Variants in HS2ST1 observed in about 807,000 individuals in gnomAD.
The protein encoded by HS2ST1 is heparan sulfate 2-O-sulfotransferase 1.
Under a neutral mutation model 42.9 loss-of-function variants are expected in HS2ST1, and 18 were observed. The ratio of observed to expected loss-of-function variants is 0.42; its 90% CI spans 0.29 to 0.62. HS2ST1 has a LOEUF of 0.62. HS2ST1 is among the 20% of genes least tolerant of loss of function. The probability of loss-of-function intolerance (pLI) is 0.21; values close to 1 mark genes in which losing one functional copy is unlikely to be tolerated. For synonymous variants in HS2ST1, 146 were observed against 152.9 expected (o/e 0.95, Z 0.33); for missense variants, 334 against 433.8 (o/e 0.77, Z 2.04).
intron 1 of HS2ST1, among the ~76,000 whole-genome samples, chr1:87,022,173 G>T (rs1649970093): frequency 2.6e-5 from 4 of 151,968 alleles, no homozygotes; most frequent in Admixed American, 2.6e-4. Context: ...AAAAAATGTG[G>T]ATCCTTTCAT....
At chr1:87,034,600 A>G (rs1008217952) in intron 1 of HS2ST1, among the ~76,000 whole-genome samples, 3 of 152,228 alleles carry the variant, frequency 2.0e-5, no homozygotes, top group Non-Finnish European at 4.4e-5. Flanking sequence ...AATCAGAATC[A>G]CATTTTGAAA....
intron 3 of HS2ST1, among the ~76,000 whole-genome samples, chr1:87,086,254 A>G (rs1359707172): frequency 6.6e-6 from 1 of 152,144 alleles, no homozygotes; most frequent in Non-Finnish European, 1.5e-5. Flanking sequence ...TCGCATACTC[A>G]AGTCCCTCCG....
At chr1:87,046,368 ATC>A in intron 1 of HS2ST1, 2 of 761,240 alleles carry the variant, frequency 2.6e-6, no homozygotes, top group Non-Finnish European at 4.9e-6. Flanking sequence ...CTTAAGAAGT[ATC>A]TCCTGACAGA....
intron 1 of HS2ST1, among the ~76,000 whole-genome samples, chr1:87,051,519 GTC>G (rs1329335555): frequency 6.6e-6 from 1 of 152,116 alleles, no homozygotes; most frequent in African/African-American, 2.4e-5. Context: ...ATATTAAAAT[GTC>G]TATTGTATAG....
chr1:87,015,036 G>A (rs1649709583), intron 1 of HS2ST1, among the ~76,000 whole-genome samples: 1 of 114,582 alleles, frequency 8.7e-6, no homozygotes, highest in Non-Finnish European at 1.8e-5. Context: ...AACTTTGTGG[G>A]GTTTTTTAGT....
chr1:86,980,040 G>T (rs1442599619), intron 1 of HS2ST1, among the ~76,000 whole-genome samples: 1 of 152,148 alleles, frequency 6.6e-6, no homozygotes, highest in Non-Finnish European at 1.5e-5. Flanking sequence ...GCGAGAAAAA[G>T]CTCAATGTAT....
intron 1 of HS2ST1, chr1:86,958,652 A>C (rs573887602): frequency 6.6e-6 from 1 of 152,222 alleles, no homozygotes; most frequent in Non-Finnish European, 1.5e-5. Flanking sequence ...TGATTCTACT[A>C]TGCATTTAAG....
At chr1:87,053,357 A>C (rs1650879836) in intron 1 of HS2ST1, among the ~76,000 whole-genome samples, 1 of 152,186 alleles carries the variant, frequency 6.6e-6, no homozygotes, top group African/African-American at 2.4e-5. Context: ...TTGTGCTAAG[A>C]ATTTAAGGAA....
intron 2 of HS2ST1, among the ~76,000 whole-genome samples, 177 bp downstream of exon 2, chr1:87,073,349 C>G (rs1651464185): frequency 6.6e-6 from 1 of 152,172 alleles, no homozygotes; most frequent in Non-Finnish European, 1.5e-5. Context: ...GTATTTGACA[C>G]ATTTCCTTGC....
At chr1:87,040,088 T>G (rs1429399011) in intron 1 of HS2ST1, among the ~76,000 whole-genome samples, 3 of 152,192 alleles carry the variant, frequency 2.0e-5, no homozygotes, top group Admixed American at 2.0e-4. Context: ...ACAAGCAGAT[T>G]TCTTTGGAAT....
intron 1 of HS2ST1, among the ~76,000 whole-genome samples, chr1:87,011,763 T>C (rs1177360674): frequency 6.6e-6 from 1 of 152,206 alleles, no homozygotes; most frequent in Non-Finnish European, 1.5e-5. Context: ...TCTTATTTGG[T>C]AGCACTACAG....
chr1:87,103,458 A>T lies in HS2ST1; in HGVS notation c.713A>T (p.Asp238Val), dbSNP rs1250748483. Reference protein sequence around the residue: ...CWNVGSRWAMDQAKYNLINEY... With the variant: ...CWNVGSRWAMVQAKYNLINEY... ...AATGTGGGAAGCAGGTGGGCTATGG[A>T]TCAAGCCAAGTATAACCTAATTAAT... Residue 238 changes from aspartate to valine, a missense_variant, in exon 6 of 7, where the codon GAT becomes GTT. By Grantham distance (152) the Asp-to-Val change is radical. Transcript: ENST00000370550. The T allele has an allele frequency of 6.2e-7, 1 of 1,607,586 alleles. No homozygotes were observed. The highest frequency in any genetic ancestry group is 1.1e-5 in the South Asian group (1 of 89,020).
At chr1:86,965,379 A>C (rs1392467744) in intron 1 of HS2ST1, among the ~76,000 whole-genome samples, 3 of 152,068 alleles carry the variant, frequency 2.0e-5, no homozygotes, top group Non-Finnish European at 4.4e-5. Flanking sequence ...CTCCTAAGGG[A>C]CTAAGGTACT....
chr1:86,967,108 C>G (rs1331654437), intron 1 of HS2ST1, among the ~76,000 whole-genome samples: 1 of 152,088 alleles, frequency 6.6e-6, no homozygotes, highest in Admixed American at 6.5e-5. Context: ...TCAGGCTGGT[C>G]TCGAACTCCT....
intron 1 of HS2ST1, chr1:87,045,713 C>T: frequency 2.4e-6 from 2 of 816,790 alleles, no homozygotes; most frequent in Non-Finnish European, 4.4e-6. Flanking sequence ...TATTCCCTGC[C>T]ACTGATTTGA....
intron 1 of HS2ST1, among the ~76,000 whole-genome samples, chr1:87,008,398 G>C (rs1407927636): frequency 6.6e-6 from 1 of 152,118 alleles, no homozygotes; most frequent in African/African-American, 2.4e-5. Flanking sequence ...CACTGAAGCA[G>C]AAATGAAGAC....
intron 1 of HS2ST1, among the ~76,000 whole-genome samples, chr1:86,937,764 C>CT (rs912392590): frequency 5.3e-5 from 8 of 150,934 alleles, no homozygotes; most frequent in Admixed American, 2.0e-4. Context: ...GCTAATCAGT[C>CT]TTTTTTTTTC....
chr1:87,026,223 T>C (rs543440712), intron 1 of HS2ST1, among the ~76,000 whole-genome samples: 62 of 152,354 alleles, frequency 4.1e-4, no homozygotes, highest in African/African-American at 1.5e-3. Flanking sequence ...CCAATGTTTA[T>C]TGGCCCCTTC....
chr1:86,914,637 A>T lies in HS2ST1; in HGVS notation c.-400A>T. The T allele has an allele frequency of 5.2e-6, 1 of 191,766 alleles. No individual in the cohort carries two copies. Among genetic ancestry groups the T allele is most frequent in the Non-Finnish European group, 1.0e-5 (1 of 95,390 alleles). 11.9% of individuals were successfully genotyped at this position (191,766 alleles called of 1,614,324 possible). On this transcript the variant is annotated 5_prime_UTR_variant, in exon 1 of 7. Coordinates refer to ENST00000370550, the MANE Select transcript of HS2ST1 (RefSeq NM_012262.4). ...GCGGGGGCGGGGATGAGGGCGGCGC[A>T]GCCGCAGCGCCGGTGGAGGGGCGCG...
Sources: allele counts gnomAD v4.1 joint callset (sites outside exome capture counted in the v4.1 genomes callset), GRCh38; gene constraint gnomAD v4.1.1; transcripts MANE v1.5; gene names NCBI Gene and HGNC (gene_info 2026-07-23, HGNC 2026-07-21).